Variants in HMCN1 observed in about 807,000 individuals in gnomAD.
The protein encoded by HMCN1 is hemicentin-1.
A neutral mutation model predicts 625.9 loss-of-function variants in HMCN1; 321 were observed. The observed-to-expected ratio is 0.51, with a 90% CI of 0.47 to 0.56. The LOEUF is 0.56. Among genes scored for constraint, HMCN1 ranks in the 20% least tolerant of loss-of-function variants. HMCN1 has a pLI of 0.00. For missense variants in HMCN1, 6,588 were observed against 6,887.3 expected, an observed-to-expected ratio of 0.96 and a Z score of 1.54; for synonymous variants, 2,425 against 2,417.6, an observed-to-expected ratio of 1.00 and a Z score of -0.09.
intron 1 of HMCN1, among the ~76,000 whole-genome samples, chr1:185,813,800 A>T (rs1571391124): frequency 1.3e-5 from 2 of 152,330 alleles, no homozygotes; most frequent in Admixed American, 1.3e-4. Context: ...AGAAATAGTT[A>T]CAATTTTGCT....
chr1:185,781,867 C>T lies in HMCN1; in HGVS notation c.268+46820C>T, dbSNP rs559525021. Among the ~76,000 whole-genome samples, 25 of 152,302 alleles carry T rather than the reference C, an allele frequency of 1.6e-4. No homozygotes were observed. In the Middle Eastern group the frequency reaches 0.01, roughly 62 times the overall value. ...GTTCTGTAGATGTCTATTAGGTCTG[C>T]TTGGTGCAGAGCCGAATTCAATTCC... On this transcript the variant is annotated intron_variant, in intron 1 of 106. Transcript: ENST00000271588.
rs1169237022 is a variant in HMCN1, at chr1:185,928,558, T to C, written c.1443T>C (p.Ser481=). The part of the protein sequence containing the change: ...GVDQYLKESA[S]VNLDIAKVTL... Reference sequence around the variant, plus strand: ...TTCTTACCTCCAGAGAATCTGCCAGTGTGAACTTAGATATTGCAAAGGTCA... The same window carrying C: ...TTCTTACCTCCAGAGAATCTGCCAGCGTGAACTTAGATATTGCAAAGGTCA... Residue 481 remains serine, a synonymous_variant, in exon 10 of 107, where the codon AGT becomes AGC. Coordinates refer to ENST00000271588, the MANE Select transcript of HMCN1 (RefSeq NM_031935.3). 2 of 1,612,896 alleles carry C rather than the reference T, an allele frequency of 1.2e-6. No homozygotes were observed. Among genetic ancestry groups the C allele is most frequent in the African/African-American group, 2.7e-5 (2 of 74,900 alleles).
intron 97 of HMCN1, among the ~76,000 whole-genome samples, chr1:186,161,993 G>A (rs1451527922): frequency 2.0e-5 from 3 of 152,112 alleles, no homozygotes; most frequent in Non-Finnish European, 4.4e-5. Context: ...AAGTTCTCCT[G>A]GATAATATCC....
intron 97 of HMCN1, among the ~76,000 whole-genome samples, chr1:186,162,460 G>A (rs943733723): frequency 2.1e-5 from 3 of 145,352 alleles, no homozygotes; most frequent in African/African-American, 7.9e-5. Context: ...TGCTGGTGAG[G>A]AACTGTGATC....
chr1:186,169,240 C>T lies in HMCN1; in HGVS notation c.15575-2097C>T, dbSNP rs190697550. 3.9e-4 allele frequency among the ~76,000 whole-genome samples: 59 copies of T among 152,198 alleles called. 1 individual carries two copies. Among genetic ancestry groups the T allele is most frequent in the Admixed American group, 3.7e-3 (57 of 15,282 alleles). On this transcript the variant is annotated intron_variant, in intron 100 of 106. Transcript: ENST00000271588. The stretch of plus-strand genomic sequence containing the variant: ...TTCCATGTTCATGGATAAGAAGAAT[C>T]AATATTGTGAAAATGGCCATACTTC...
intron 6 of HMCN1, among the ~76,000 whole-genome samples, chr1:185,913,575 A>C (rs1042138032): frequency 6.6e-6 from 1 of 152,106 alleles, no homozygotes; most frequent in Non-Finnish European, 1.5e-5. Context: ...TATTGACCTT[A>C]AGTAGTCCAT....
chr1:186,013,199 G>A (rs1461452257), intron 30 of HMCN1, among the ~76,000 whole-genome samples: 2 of 152,066 alleles, frequency 1.3e-5, no homozygotes, highest in Non-Finnish European at 2.9e-5. Context: ...ATAAATGAAT[G>A]AATGTGACTG....
chr1:186,158,683 TA>T (rs1651211672), intron 97 of HMCN1, among the ~76,000 whole-genome samples: 1 of 152,212 alleles, frequency 6.6e-6, no homozygotes, highest in Admixed American at 6.5e-5. Context: ...CACCATTTAT[TA>T]AATAGGGAGT....
intron 6 of HMCN1, among the ~76,000 whole-genome samples, chr1:185,921,602 T>C (rs1288885617): frequency 6.6e-6 from 1 of 152,236 alleles, no homozygotes; most frequent in African/African-American, 2.4e-5. Context: ...GAGTTTGAAA[T>C]TGATAATTGG....
At position 185,933,645 on chromosome 1, in the gene HMCN1, A is replaced by G; in HGVS notation, c.1649A>G (p.Asn550Ser). The G allele has an allele frequency of 1.2e-6, 2 of 1,614,042 alleles. No homozygotes were observed. Among genetic ancestry groups the G allele is most frequent in the Non-Finnish European group, 1.7e-6 (2 of 1,179,950 alleles). Residue 550 changes from asparagine (N) to serine (S), a missense_variant, in exon 11 of 107, where the codon AAT (asparagine) becomes AGT (serine). Transcript: ENST00000271588. ...TCLIISAVDY[N>S]LTWQRNDRDV... is the part of the protein sequence containing the mutation. ...CTCATCATCAGTGCGGTGGATTACAATCTAACCTGGCAGAGGAATGACAGA... is the reference window on the plus strand; with the variant it reads ...CTCATCATCAGTGCGGTGGATTACAGTCTAACCTGGCAGAGGAATGACAGA...
chr1:186,177,831 TAA>T (rs1652695069), intron 103 of HMCN1, among the ~76,000 whole-genome samples: 1 of 151,870 alleles, frequency 6.6e-6, no homozygotes, highest in South Asian at 2.1e-4. Context: ...GACTTTTTTA[TAA>T]GTGAAGTTTG....
At position 186,070,608 on chromosome 1, in the gene HMCN1, G is replaced by A. The variant is rs1158290919; in HGVS notation, c.7994-4G>A. ...TCTAACTCTTTAATATTTATTTTAT[G>A]CAGTTCCACCCATAATCAATAAAGG... On this transcript the variant is annotated splice_polypyrimidine_tract_variant and splice_region_variant and intron_variant, in intron 51 of 106. Coordinates refer to ENST00000271588, the MANE Select transcript of HMCN1 (RefSeq NM_031935.3). 6.2e-7 allele frequency: 1 copy of A among 1,609,556 alleles called. No individual in the cohort carries two copies. The highest frequency in any genetic ancestry group is 8.5e-7 in the Non-Finnish European group (1 of 1,176,182).
At chr1:186,177,905 G>A (rs1038849531) in intron 103 of HMCN1, among the ~76,000 whole-genome samples, 4 of 151,778 alleles carry the variant, frequency 2.6e-5, no homozygotes, top group African/African-American at 9.7e-5. Context: ...TCCAGAGGAA[G>A]ATACACAAAT....
intron 1 of HMCN1, among the ~76,000 whole-genome samples, chr1:185,736,185 CTCT>C (rs1212719209): frequency 1.3e-5 from 2 of 152,048 alleles, no homozygotes; most frequent in African/African-American, 4.8e-5. Flanking sequence ...ATATATAGAA[CTCT>C]CGGATTTTCA....
intron 1 of HMCN1, among the ~76,000 whole-genome samples, chr1:185,824,360 C>T (rs780802872): frequency 2.4e-4 from 37 of 152,256 alleles, no homozygotes; most frequent in Non-Finnish European, 4.6e-4. Flanking sequence ...TTGTACCACA[C>T]GTATCTCACA....
intron 14 of HMCN1, among the ~76,000 whole-genome samples, chr1:185,967,941 T>C (rs1024487352): frequency 2.0e-5 from 3 of 152,140 alleles, no homozygotes; most frequent in Admixed American, 2.0e-4. Flanking sequence ...GCACAAATGC[T>C]CTCTTAAATT....
chr1:185,798,729 G>A (rs1658573517), intron 1 of HMCN1, among the ~76,000 whole-genome samples: 1 of 148,680 alleles, frequency 6.7e-6, no homozygotes, highest in Non-Finnish European at 1.5e-5. Context: ...AAGTTCTGGG[G>A]TTTTAAATAT....
intron 4 of HMCN1, among the ~76,000 whole-genome samples, chr1:185,901,187 A>G (rs1444792693): frequency 1.3e-5 from 2 of 151,868 alleles, no homozygotes; most frequent in Non-Finnish European, 2.9e-5. Context: ...GCAATTTGTT[A>G]ATTACATAGT....
At chr1:185,982,860 T>A (rs565927575) in intron 18 of HMCN1, among the ~76,000 whole-genome samples, 3 of 152,290 alleles carry the variant, frequency 2.0e-5, no homozygotes, top group African/African-American at 7.2e-5. Context: ...ATTATTGACA[T>A]ATTTTTGTTA....
Sources: allele counts gnomAD v4.1 joint callset (sites outside exome capture counted in the v4.1 genomes callset), GRCh38; gene constraint gnomAD v4.1.1; transcripts MANE v1.5; gene names NCBI Gene and HGNC (gene_info 2026-07-23, HGNC 2026-07-21).